RAPGEF4: variants seen among roughly 807,000 people sequenced by gnomAD.
RAPGEF4 encodes Rap guanine nucleotide exchange factor 4.
Under a neutral mutation model 147.9 loss-of-function variants are expected in RAPGEF4, and 66 were observed. That is an observed-to-expected ratio of 0.45 (90% CI 0.37 to 0.55). The LOEUF (loss-of-function observed/expected upper bound fraction) is 0.55, where lower values mean the gene tolerates loss of function less well. RAPGEF4 is among the 20% of genes least tolerant of loss of function. The pLI is 0.00. For missense variants in RAPGEF4, 1,071 were observed against 1,257.3 expected, an observed-to-expected ratio of 0.85 and a Z score of 2.24; for synonymous variants, 419 against 442.7, an observed-to-expected ratio of 0.95 and a Z score of 0.67.
Position 172,870,008 on chromosome 2 carries a change from A to G in RAPGEF4, c.445-47794A>G, listed in dbSNP as rs533191338. The stretch of plus-strand genomic sequence containing the variant: ...GGAGTGGGCATTTCAAACTAGGAGC[A>G]ATCCTGACAAACTGGTAACCTGGGT... On this transcript the variant is annotated intron_variant, in intron 4 of 30. Coordinates refer to ENST00000397081, the MANE Select transcript of RAPGEF4 (RefSeq NM_007023.4). Among the ~76,000 whole-genome samples, 3 of 152,240 alleles carry G rather than the reference A, an allele frequency of 2.0e-5. No individual in the cohort carries two copies. The South Asian group carries it at 6.2e-4, about 32-fold the overall frequency.
At chr2:172,785,202 G>A (rs1025513510) in intron 1 of RAPGEF4, among the ~76,000 whole-genome samples, 1 of 152,204 alleles carries the variant, frequency 6.6e-6, no homozygotes. Flanking sequence ...AAGGCCCTTT[G>A]AAAAGCTAAT....
At position 172,947,693 on chromosome 2, in the gene RAPGEF4, G is replaced by T. The variant is rs185360671; in HGVS notation, c.538-13067G>T. 3.6e-3 allele frequency among the ~76,000 whole-genome samples: 546 copies of T among 152,162 alleles called. 3 individuals carry two copies. The highest frequency in any genetic ancestry group is 0.012 in the African/African-American group (480 of 41,502). ...GTTTTTATAAACTTCAAAATTCCAA[G>T]GTTTCCTTTACTTTTTTGTATGACT... is the stretch of plus-strand genomic sequence containing the variant. On this transcript the variant is annotated intron_variant, in intron 6 of 30. Coordinates refer to ENST00000397081, the MANE Select transcript of RAPGEF4 (RefSeq NM_007023.4).
intron 10 of RAPGEF4, 122 bp downstream of exon 10, chr2:172,967,566 G>C (rs1689983862): frequency 1.4e-5 from 15 of 1,042,920 alleles, no homozygotes; most frequent in Non-Finnish European, 1.5e-5. Flanking sequence ...GAACAAAAGG[G>C]AGCAGCTGAA....
chr2:172,973,109 T>C (rs1378887458), intron 10 of RAPGEF4, among the ~76,000 whole-genome samples: 4 of 45,322 alleles, frequency 8.8e-5, no homozygotes, highest in Non-Finnish European at 1.8e-4. Context: ...TTTTTTTTCT[T>C]TTTTTTTTTT....
chr2:172,753,635 T>C (rs868409946), intron 1 of RAPGEF4, among the ~76,000 whole-genome samples: 1 of 152,126 alleles, frequency 6.6e-6, no homozygotes, highest in Non-Finnish European at 1.5e-5. Flanking sequence ...AGGATTGATA[T>C]TGTAGTGACT....
chr2:172,920,062 C>T (rs182774290), intron 5 of RAPGEF4, among the ~76,000 whole-genome samples: 28 of 152,190 alleles, frequency 1.8e-4, no homozygotes, highest in Non-Finnish European at 3.5e-4. Flanking sequence ...CTGATTTCCC[C>T]AAGACATTTT....
intron 4 of RAPGEF4, among the ~76,000 whole-genome samples, chr2:172,831,648 T>C (rs1021486722): frequency 1.3e-5 from 2 of 152,174 alleles, no homozygotes; most frequent in Non-Finnish European, 2.9e-5. Flanking sequence ...CTAATACATT[T>C]GTTGGAAATT....
At chr2:173,038,024 G>T (rs1285238129) in intron 29 of RAPGEF4, among the ~76,000 whole-genome samples, 1 of 152,118 alleles carries the variant, frequency 6.6e-6, no homozygotes, top group African/African-American at 2.4e-5. Flanking sequence ...AGCCCAGTCT[G>T]GTCAAGTGCA....
At chr2:173,024,163 T>C (rs1696403031) in intron 23 of RAPGEF4, among the ~76,000 whole-genome samples, 1 of 152,200 alleles carries the variant, frequency 6.6e-6, no homozygotes, top group Admixed American at 6.5e-5. Context: ...CCAGGTGTTG[T>C]ACTGATCACA....
chr2:172,935,121 G>C (rs550921655), intron 6 of RAPGEF4, among the ~76,000 whole-genome samples: 2 of 152,306 alleles, frequency 1.3e-5, no homozygotes, highest in South Asian at 4.1e-4. Flanking sequence ...AGGCTGCAGT[G>C]AGCCAAGATG....
intron 4 of RAPGEF4, among the ~76,000 whole-genome samples, chr2:172,848,117 T>C (rs1692399992): frequency 6.6e-6 from 1 of 152,174 alleles, no homozygotes; most frequent in Non-Finnish European, 1.5e-5. Flanking sequence ...TAGTTGATTT[T>C]GTTATTGATT....
intron 4 of RAPGEF4, among the ~76,000 whole-genome samples, chr2:172,907,709 G>A (rs1559112212): frequency 6.6e-6 from 1 of 152,346 alleles, no homozygotes; most frequent in East Asian, 1.9e-4. Flanking sequence ...GTGATGTGAA[G>A]CTGTAATGCA....
intron 29 of RAPGEF4, among the ~76,000 whole-genome samples, chr2:173,047,907 A>G (rs1043360778): frequency 6.6e-6 from 1 of 152,104 alleles, no homozygotes; most frequent in African/African-American, 2.4e-5. Flanking sequence ...CGATCTCCTG[A>G]CCTCGTGATC....
intron 5 of RAPGEF4, among the ~76,000 whole-genome samples, chr2:172,920,004 T>G (rs1480930997): frequency 1.3e-5 from 2 of 152,082 alleles, no homozygotes; most frequent in Non-Finnish European, 2.9e-5. Context: ...CAGAGATGAG[T>G]CAACTGGCTG....
chr2:172,872,286 C>T (rs1451798453), intron 4 of RAPGEF4, among the ~76,000 whole-genome samples: 2 of 152,148 alleles, frequency 1.3e-5, no homozygotes, highest in East Asian at 1.9e-4. Flanking sequence ...AACTATTATT[C>T]CTTTTTAAGA....
intron 14 of RAPGEF4, among the ~76,000 whole-genome samples, chr2:172,990,292 A>G (rs1692702051): frequency 6.6e-6 from 1 of 152,248 alleles, no homozygotes; most frequent in Non-Finnish European, 1.5e-5. Context: ...GACCATTATC[A>G]TTGATGTAAT....
chr2:172,807,770 A>G (rs1241565520), intron 3 of RAPGEF4, among the ~76,000 whole-genome samples: 2 of 152,222 alleles, frequency 1.3e-5, no homozygotes, highest in Non-Finnish European at 2.9e-5. Context: ...CATCTCTAAG[A>G]AAGAAAAAAA....
At chr2:172,882,575 G>A (rs943417708) in intron 4 of RAPGEF4, among the ~76,000 whole-genome samples, 4 of 152,176 alleles carry the variant, frequency 2.6e-5, no homozygotes, top group Non-Finnish European at 4.4e-5. Context: ...GGAAGCATAT[G>A]GAATTCAGAA....
chr2:173,041,764 C>T (rs147535656), intron 29 of RAPGEF4, among the ~76,000 whole-genome samples: 246 of 152,320 alleles, frequency 1.6e-3, no homozygotes, highest in African/African-American at 5.5e-3. Context: ...GTTGGTGAGA[C>T]TGACCTGCCT....
Sources: gnomAD v4.1 joint callset for allele counts (sites outside exome capture counted in the v4.1 genomes callset) on GRCh38, gnomAD v4.1.1 for gene constraint, MANE v1.5 for transcripts, NCBI Gene and HGNC (gene_info 2026-07-23, HGNC 2026-07-21) for gene names.